The following COQ8A variants were observed in gnomAD, a reference collection of about 807,000 sequenced individuals.
COQ8A encodes the protein coenzyme Q8A.
In COQ8A, 51 loss-of-function variants were observed where a neutral mutation model predicts 65.0. That is an observed-to-expected ratio of 0.78 (90% CI 0.63 to 0.99). The LOEUF (loss-of-function observed/expected upper bound fraction) is 0.99. Ranked by LOEUF, COQ8A falls within the 50% of genes least tolerant of loss-of-function variation. COQ8A has a pLI of 0.00. For synonymous variants in COQ8A, 371 were observed against 353.2 expected, an observed-to-expected ratio of 1.05 and a Z score of -0.57; for missense variants, 940 against 875.0, an observed-to-expected ratio of 1.07 and a Z score of -0.94.
intron 1 of COQ8A, 54 bp from the exon 2 acceptor site, chr1:226,961,323 G>C: frequency 6.3e-7 from 1 of 1,597,194 alleles, no homozygotes; most frequent in Non-Finnish European, 8.6e-7. Flanking sequence ...TGGTAGTGTG[G>C]GTTTGGCCTG....
chr1:226,966,325 CTT>C (rs1323939091), intron 4 of COQ8A, among the ~76,000 whole-genome samples: 1 of 152,218 alleles, frequency 6.6e-6, no homozygotes, highest in African/African-American at 2.4e-5. Flanking sequence ...CACATGCGCT[CTT>C]TTTATAGAAG....
At chr1:226,965,825 A>C in intron 4 of COQ8A, 88 bp downstream of exon 4, 6 of 1,440,110 alleles carry the variant, frequency 4.2e-6, no homozygotes, top group Non-Finnish European at 4.8e-6. Context: ...ACCCAGCAAT[A>C]TCCCGGGGAG....
At chr1:226,954,878 C>T (rs1369813234) in intron 1 of COQ8A, among the ~76,000 whole-genome samples, 1 of 152,112 alleles carries the variant, frequency 6.6e-6, no homozygotes, top group Non-Finnish European at 1.5e-5. Context: ...GAAGTGGTCA[C>T]TGCTGTGCTG....
chr1:226,984,383 G>T (rs1015120229), intron 11 of COQ8A, 148 bp downstream of exon 11: 15 of 1,352,900 alleles, frequency 1.1e-5, no homozygotes, highest in African/African-American at 2.9e-5. Flanking sequence ...GACTTAGGGG[G>T]ACACAGGGGA....
chr1:226,974,114 G>A (rs933257378), intron 4 of COQ8A, among the ~76,000 whole-genome samples: 3 of 152,204 alleles, frequency 2.0e-5, no homozygotes, highest in Non-Finnish European at 2.9e-5. Flanking sequence ...ACTGCCCACA[G>A]GAGGGCCCTG....
chr1:226,965,796 G>A (rs953561889), intron 4 of COQ8A, 59 bp downstream of exon 4: 17 of 1,562,946 alleles, frequency 1.1e-5, no homozygotes, highest in East Asian at 4.5e-5. Flanking sequence ...ACCACGCTGC[G>A]GCCTGCATGG....
intron 1 of COQ8A, among the ~76,000 whole-genome samples, chr1:226,954,631 A>T (rs550538038): frequency 5.3e-5 from 8 of 152,358 alleles, no homozygotes; most frequent in Non-Finnish European, 7.3e-5. Flanking sequence ...TATGTGGAGT[A>T]AAAGTTGCCA....
chr1:226,985,888 G>A (rs1178871667), intron 14 of COQ8A, among the ~76,000 whole-genome samples: 1 of 152,178 alleles, frequency 6.6e-6, no homozygotes, highest in East Asian at 1.9e-4. Context: ...CCTTATCTCA[G>A]CTGTAAGCGC....
rs188843885 is a variant in COQ8A, at chr1:226,962,515, G to A, written c.177+953G>A. ...TGGGGGGTGTTTGTGTGCCTGTTGC[G>A]CGTGTGCACCTGTGTGTGTGCGCTT... On this transcript the variant is annotated intron_variant, in intron 2 of 14. Transcript: ENST00000366777. Among the ~76,000 whole-genome samples, 6 of 152,332 alleles carry A rather than the reference G, an allele frequency of 3.9e-5. 1 individual carries two copies. The highest frequency in any genetic ancestry group is 3.9e-4 in the Admixed American group (6 of 15,306).
At chr1:226,951,032 C>T (rs1657342168) in intron 1 of COQ8A, among the ~76,000 whole-genome samples, 1 of 152,220 alleles carries the variant, frequency 6.6e-6, no homozygotes, top group African/African-American at 2.4e-5. Flanking sequence ...TCAGACCTCT[C>T]TGCCGGGGCA....
intron 1 of COQ8A, among the ~76,000 whole-genome samples, chr1:226,956,956 ACACTCTCCCTGGCTGC>A (rs1657818855): frequency 1.3e-5 from 1 of 77,368 alleles, no homozygotes; most frequent in Admixed American, 1.4e-4. Flanking sequence ...TCCCTGGTTC[ACACTCTCCCTGGCTGC>A]CACTCTCCCT....
intron 4 of COQ8A, 122 bp from the exon 5 acceptor site, chr1:226,977,327 T>C (rs1482441791): frequency 4.8e-6 from 4 of 835,290 alleles, no homozygotes; most frequent in Non-Finnish European, 7.5e-6. Flanking sequence ...AATGCTGGTG[T>C]GGCAGCGAGG....
intron 1 of COQ8A, among the ~76,000 whole-genome samples, chr1:226,942,994 C>G (rs1232402182): frequency 1.3e-5 from 2 of 152,200 alleles, no homozygotes; most frequent in African/African-American, 4.8e-5. Context: ...GAAAACCATC[C>G]TAAGCCTATT....
chr1:226,973,579 G>T (rs1031231334), intron 4 of COQ8A, among the ~76,000 whole-genome samples: 3 of 152,196 alleles, frequency 2.0e-5, no homozygotes, highest in African/African-American at 7.2e-5. Flanking sequence ...CTGAGAACCT[G>T]TGAGAGCAGC....
chr1:226,970,190 T>C (rs775603439), intron 4 of COQ8A, among the ~76,000 whole-genome samples: 82 of 152,224 alleles, frequency 5.4e-4, no homozygotes, highest in Non-Finnish European at 1.0e-4. Flanking sequence ...TGGCCTCAAG[T>C]GATCCACCTG....
At position 226,949,476 on chromosome 1, in the gene COQ8A, C is replaced by T. The variant is rs1306504576; in HGVS notation, c.-10+9077C>T. ...CAAAAGCCTCCCATGCTGTTTTCTCCTTTAAGGTGAAGTGGTAAGGAATAC... is the reference window on the plus strand; with the variant it reads ...CAAAAGCCTCCCATGCTGTTTTCTCTTTTAAGGTGAAGTGGTAAGGAATAC... On this transcript the variant is annotated intron_variant, in intron 1 of 14. Coordinates refer to ENST00000366777, the MANE Select transcript of COQ8A (RefSeq NM_020247.5). The surrounding 1 kb of genome is among the most constrained non-coding windows in gnomAD (Gnocchi z 4.0). 6.6e-6 allele frequency among the ~76,000 whole-genome samples: 1 copy of T among 152,120 alleles called. No individual in the cohort carries two copies. Among genetic ancestry groups the T allele is most frequent in the African/African-American group, 2.4e-5 (1 of 41,402 alleles).
In COQ8A at chr1:226,983,855, G is replaced by T. The variant is rs749258013; in HGVS notation, c.1256+1G>T. On this transcript the variant is annotated splice_donor_variant, in intron 10 of 14. Coordinates refer to ENST00000366777, the MANE Select transcript of COQ8A (RefSeq NM_020247.5). LOFTEE classifies it high-confidence loss of function. ...AGGCCGCCTGTGCCCGCAAGTTCAG[G>T]TGTGGCCCCCGGCCGGGCCCCTTGC... 2 of 1,608,512 alleles carry T rather than the reference G, an allele frequency of 1.2e-6. No individual in the cohort carries two copies. The highest frequency in any genetic ancestry group is 1.3e-5 in the African/African-American group (1 of 74,480).
At position 226,986,805 on chromosome 1, in the gene COQ8A, C is replaced by A; in HGVS notation, c.*68C>A. The A allele has an allele frequency of 6.4e-7, 1 of 1,559,494 alleles. No homozygotes were observed. Among genetic ancestry groups the A allele is most frequent in the East Asian group, 2.3e-5 (1 of 42,846 alleles). ...CCTCAGACAGGCCAAAAACCAGTAGCGAGGTCGTGGTGATGCTCTTTTTAA... is the reference window on the plus strand; with the variant it reads ...CCTCAGACAGGCCAAAAACCAGTAGAGAGGTCGTGGTGATGCTCTTTTTAA... On this transcript the variant is annotated 3_prime_UTR_variant, in exon 15 of 15. Transcript: ENST00000366777.
chr1:226,984,384 A>G, intron 11 of COQ8A, 149 bp downstream of exon 11: 2 of 1,351,374 alleles, frequency 1.5e-6, no homozygotes, highest in Non-Finnish European at 2.1e-6. Context: ...ACTTAGGGGG[A>G]CACAGGGGAG....
Sources: gnomAD v4.1 joint callset for allele counts (sites outside exome capture counted in the v4.1 genomes callset) on GRCh38, gnomAD v4.1.1 for gene constraint, Gnocchi (gnomAD v3.1) non-coding constraint, MANE v1.5 for transcripts, NCBI Gene and HGNC (gene_info 2026-07-23, HGNC 2026-07-21) for gene names.